Variants in AFF3 observed in about 807,000 individuals in gnomAD.
AFF3 encodes AF4/FMR2 family member 3.
Under a neutral mutation model 129.7 loss-of-function variants are expected in AFF3, and 32 were observed. The ratio of observed to expected loss-of-function variants is 0.25; its 90% CI spans 0.19 to 0.33. The LOEUF is 0.33. AFF3 is among the 10% of genes least tolerant of loss of function. The pLI, the probability that AFF3 is intolerant of heterozygous loss-of-function variation, is 1.00. For missense variants in AFF3, 1,373 were observed against 1,592.0 expected, an observed-to-expected ratio of 0.86 and a Z score of 2.34; for synonymous variants, 644 against 635.4, an observed-to-expected ratio of 1.01 and a Z score of -0.20.
intron 7 of AFF3, among the ~76,000 whole-genome samples, chr2:99,957,146 C>CGT (rs10602915): frequency 8.8e-4 from 133 of 150,674 alleles, no homozygotes; most frequent in East Asian, 2.9e-3. Flanking sequence ...TGTGGACATA[C>CGT]GTGTGTGTGT....
intron 7 of AFF3, among the ~76,000 whole-genome samples, chr2:99,991,993 A>G (rs1446006195): frequency 6.6e-6 from 1 of 152,272 alleles, no homozygotes; most frequent in Non-Finnish European, 1.5e-5. Context: ...ACTTACAAGA[A>G]GCATAGCCAA....
At position 99,762,512 on chromosome 2, in the gene AFF3, C is replaced by T. The variant is rs529309137; in HGVS notation, c.922-10211G>A. Among the ~76,000 whole-genome samples, 8 of 152,252 alleles carry T rather than the reference C, an allele frequency of 5.3e-5. No individual in the cohort carries two copies. In the East Asian group the frequency reaches 5.8e-4, roughly 11 times the overall value. On this transcript the variant is annotated intron_variant, in intron 8 of 24. Coordinates refer to ENST00000672756, the MANE Select transcript of AFF3 (RefSeq NM_001386135.1). Reference sequence around the variant, plus strand: ...CACTATCAGAATATTTTTAAAATCCCTACTAGATTACAAACTCTTCGAGGG... The same window carrying T: ...CACTATCAGAATATTTTTAAAATCCTTACTAGATTACAAACTCTTCGAGGG...
intron 2 of AFF3, among the ~76,000 whole-genome samples, chr2:100,120,989 AGATTCAGG>A (rs1691940382): frequency 6.6e-6 from 1 of 152,184 alleles, no homozygotes; most frequent in Non-Finnish European, 1.5e-5. Context: ...GGATAGAAAT[AGATTCAGG>A]GACTGTGAAT....
At chr2:99,833,274 A>G (rs1270427443) in intron 8 of AFF3, among the ~76,000 whole-genome samples, 1 of 152,204 alleles carries the variant, frequency 6.6e-6, no homozygotes, top group Non-Finnish European at 1.5e-5. Context: ...AAACCAAGGA[A>G]AAAATGAGTT....
rs146485516 is a variant in AFF3 at position 99,594,149 on chromosome 2, G to A, written c.1512C>T (p.Val504=). 3.1e-6 allele frequency: 5 copies of A among 1,614,162 alleles called. No individual in the cohort carries two copies. Among genetic ancestry groups the A allele is most frequent in the Non-Finnish European group, 4.2e-6 (5 of 1,180,030 alleles). ...NQYYNPVKED[V]QDCGKVPDVC... is the part of the protein sequence containing the mutation. ...CGTCGGGGACTTTCCCACAGTCCTG[G>A]ACGTCCTCTTTCACCGGGTTGTAGT... Residue 504 remains valine, a synonymous_variant, in exon 15 of 25, where the codon GTC becomes GTT. Coordinates refer to ENST00000672756, the MANE Select transcript of AFF3 (RefSeq NM_001386135.1).
intron 2 of AFF3, among the ~76,000 whole-genome samples, chr2:100,117,928 T>C (rs963216599): frequency 6.6e-6 from 1 of 152,174 alleles, no homozygotes; most frequent in African/African-American, 2.4e-5. Context: ...ACCCAAATGA[T>C]AGAGATTCAC....
At chr2:99,644,541 G>A (rs890885588) in intron 13 of AFF3, among the ~76,000 whole-genome samples, 11 of 152,186 alleles carry the variant, frequency 7.2e-5, no homozygotes, top group African/African-American at 2.7e-4. Flanking sequence ...TGAGAGCAGC[G>A]CTGTCACTCT....
At chr2:100,062,353 C>T (rs1687362181) in intron 4 of AFF3, among the ~76,000 whole-genome samples, 1 of 152,082 alleles carries the variant, frequency 6.6e-6, no homozygotes, top group Admixed American at 6.5e-5. Flanking sequence ...GTTTTACTGT[C>T]TACCAGTAAT....
At chr2:99,841,493 G>A (rs146048971) in intron 7 of AFF3, among the ~76,000 whole-genome samples, 172 of 152,294 alleles carry the variant, frequency 1.1e-3, no homozygotes, top group Middle Eastern at 3.4e-3. Context: ...AGGAAGTCCT[G>A]GCCTTAAATT....
intron 4 of AFF3, among the ~76,000 whole-genome samples, chr2:100,057,112 G>C (rs1361762415): frequency 6.6e-6 from 1 of 152,142 alleles, no homozygotes; most frequent in Non-Finnish European, 1.5e-5. Flanking sequence ...CCTGAGATCA[G>C]GAGTTCGAGA....
intron 7 of AFF3, among the ~76,000 whole-genome samples, chr2:99,980,620 C>T (rs780428487): frequency 6.6e-6 from 1 of 152,104 alleles, no homozygotes; most frequent in Non-Finnish European, 1.5e-5. Flanking sequence ...TTTAGTGCTC[C>T]CTGGGCAGTT....
chr2:99,614,238 A>G (rs1203642214), intron 13 of AFF3, among the ~76,000 whole-genome samples: 2 of 152,220 alleles, frequency 1.3e-5, no homozygotes, highest in African/African-American at 4.8e-5. Flanking sequence ...AGGGAACAAT[A>G]AAAGTCAACA....
chr2:100,106,916 T>C, intron 2 of AFF3: 1 of 985,414 alleles, frequency 1.0e-6, no homozygotes, highest in Non-Finnish European at 1.2e-6. Context: ...GTTGAGGGGT[T>C]TACTCATGAA....
chr2:99,687,996 C>T (rs1338345978), intron 11 of AFF3, among the ~76,000 whole-genome samples: 1 of 152,174 alleles, frequency 6.6e-6, no homozygotes, highest in Non-Finnish European at 1.5e-5. Context: ...GTGCCCGCCA[C>T]CACGCCCGGC....
chr2:99,889,488 A>G (rs1289129203), intron 7 of AFF3, among the ~76,000 whole-genome samples: 4 of 152,262 alleles, frequency 2.6e-5, no homozygotes, highest in Non-Finnish European at 5.9e-5. Flanking sequence ...ACAGATTTAT[A>G]TGAAAGGAGT....
Position 100,141,452 on chromosome 2 carries a change from A to T in AFF3, c.-228+1032T>A, listed in dbSNP as rs1017969339. 2.0e-5 allele frequency among the ~76,000 whole-genome samples: 3 copies of T among 152,352 alleles called. No homozygotes were observed. The East Asian group carries it at 5.8e-4, about 29-fold the overall frequency. On this transcript the variant is annotated intron_variant, in intron 1 of 24. Transcript: ENST00000672756. ...AGGAAGGTGCTCTTGTAGTTAGAAC[A>T]TTCTTAAATTTTGCACCAAGGAACA...
Position 99,546,727 on chromosome 2 carries a change from T to C in AFF3, c.*4747A>G. On this transcript the variant is annotated 3_prime_UTR_variant, in exon 25 of 25. Coordinates refer to ENST00000672756, the MANE Select transcript of AFF3 (RefSeq NM_001386135.1). ...TCTTTAGTTCAAAATTATCTTATTT[T>C]ACTCAACCAAATATTGCAAACATGA... 4.5e-6 allele frequency: 1 copy of C among 224,478 alleles called. No homozygotes were observed. Among genetic ancestry groups the C allele is most frequent in the Non-Finnish European group, 8.9e-6 (1 of 112,590 alleles). 13.9% of individuals were successfully genotyped at this position (224,478 alleles called of 1,614,324 possible). A position where few individuals can be genotyped will look rare whatever the true frequency, so the allele number is the denominator to read the frequency against.
At chr2:99,584,457 A>G (rs1364979452) in intron 16 of AFF3, among the ~76,000 whole-genome samples, 1 of 152,244 alleles carries the variant, frequency 6.6e-6, no homozygotes, top group African/African-American at 2.4e-5. Context: ...CGACAGAATA[A>G]GACTCCGTCT....
chr2:99,566,539 C>T (rs930800355), intron 19 of AFF3, among the ~76,000 whole-genome samples: 22 of 152,256 alleles, frequency 1.4e-4, no homozygotes, highest in African/African-American at 4.1e-4. Context: ...CACAGCAAGA[C>T]GCTGTCTCTA....
Sources: allele counts gnomAD v4.1 joint callset (sites outside exome capture counted in the v4.1 genomes callset), GRCh38; gene constraint gnomAD v4.1.1; transcripts MANE v1.5; gene names NCBI Gene and HGNC (gene_info 2026-07-23, HGNC 2026-07-21).